Variants in EMSY observed in about 807,000 individuals in gnomAD.
EMSY encodes BRCA2-interacting transcriptional repressor EMSY.
Under a neutral mutation model 134.6 loss-of-function variants are expected in EMSY, and 26 were observed. The ratio of observed to expected loss-of-function variants is 0.19; its 90% confidence interval spans 0.14 to 0.27. The LOEUF is 0.27. Among genes scored for constraint, EMSY ranks in the 10% least tolerant of loss-of-function variants. EMSY has a pLI of 1.00. For synonymous variants in EMSY, 579 were observed against 577.8 expected (o/e 1.00, Z -0.03); for missense variants, 1,305 against 1,611.4 (o/e 0.81, Z 3.26).
exon 3 of EMSY, chr11:76,451,874 T>A (rs1565269387): frequency 6.3e-7 from 1 of 1,587,478 alleles, no homozygotes; most frequent in Admixed American, 1.9e-5. Context: ...AGGCATATGC[T>A]GGAGTTATCA....
intron 8 of EMSY, among the ~76,000 whole-genome samples, chr11:76,483,552 A>G (rs1232920639): frequency 6.6e-6 from 1 of 152,198 alleles, no homozygotes; most frequent in African/African-American, 2.4e-5. Flanking sequence ...AAAGGGATGG[A>G]GGAATATTTA....
chr11:76,538,883 G>A (rs930031217), intron 16 of EMSY, among the ~76,000 whole-genome samples: 1 of 152,006 alleles, frequency 6.6e-6, no homozygotes. Context: ...CCTTGAATCC[G>A]GAAGGCAGAG....
At chr11:76,506,849 A>G (rs1426987062) in intron 9 of EMSY, among the ~76,000 whole-genome samples, 4 of 152,250 alleles carry the variant, frequency 2.6e-5, no homozygotes, top group Admixed American at 6.5e-5. Context: ...CTGGAAATTT[A>G]TCCTACAGAT....
chr11:76,541,725 G>A (rs1400377668), intron 17 of EMSY, among the ~76,000 whole-genome samples: 5 of 152,208 alleles, frequency 3.3e-5, no homozygotes, highest in South Asian at 2.1e-4. Flanking sequence ...TTAATACAAA[G>A]GAGTGAATGC....
exon 20 of EMSY, chr11:76,546,249 T>C (rs1951647090): frequency 1.1e-5 from 17 of 1,613,820 alleles, no homozygotes; most frequent in Non-Finnish European, 1.4e-5. Flanking sequence ...GTATTCAGAA[T>C]GTAGGCCAAA....
At chr11:76,504,167 T>C (rs1047932486) in intron 9 of EMSY, among the ~76,000 whole-genome samples, 1 of 151,832 alleles carries the variant, frequency 6.6e-6, no homozygotes, top group Non-Finnish European at 1.5e-5. Context: ...AAATTACATA[T>C]CCGAAGCAAC....
intron 14 of EMSY, 57 bp downstream of exon 15, chr11:76,528,523 C>A: frequency 7.6e-7 from 1 of 1,319,330 alleles, no homozygotes; most frequent in Non-Finnish European, 1.1e-6. Context: ...TGCCCAAATT[C>A]TAAAATAGAG....
At chr11:76,477,998 G>A (rs1948831250) in intron 8 of EMSY, among the ~76,000 whole-genome samples, 1 of 151,706 alleles carries the variant, frequency 6.6e-6, no homozygotes, top group African/African-American at 2.4e-5. Context: ...TTCCCTCCTT[G>A]ACCCATCTTC....
intron 9 of EMSY, chr11:76,496,723 A>T (rs987250135): frequency 2.0e-6 from 1 of 503,930 alleles, no homozygotes; most frequent in East Asian, 4.2e-5. Flanking sequence ...TTGTTAGTAT[A>T]TAAAAATAGT....
chr11:76,471,528 A>G (rs1292150001), intron 7 of EMSY, among the ~76,000 whole-genome samples: 3 of 152,018 alleles, frequency 2.0e-5, no homozygotes, highest in African/African-American at 4.8e-5. Flanking sequence ...TTAGGCTCCT[A>G]CTGATTCCTC....
intron 8 of EMSY, among the ~76,000 whole-genome samples, chr11:76,491,947 T>A (rs557931643): frequency 1.1e-4 from 16 of 152,342 alleles, no homozygotes; most frequent in African/African-American, 3.4e-4. Context: ...ACCTTGTAGT[T>A]GTTAACACGA....
In EMSY at chr11:76,506,468, G is replaced by A. The variant is rs915282998; in HGVS notation, c.1364-6918G>A. Among the ~76,000 whole-genome samples, 3 of 152,144 alleles carry A rather than the reference G, an allele frequency of 2.0e-5. No homozygotes were observed. In the South Asian group the frequency reaches 6.2e-4, roughly 31 times the overall value. Reference sequence around the variant, plus strand: ...AGACAAATAAACTGGAAAAAAATCTGCAAATCATGAAATGCACAGAATACC... The same window carrying A: ...AGACAAATAAACTGGAAAAAAATCTACAAATCATGAAATGCACAGAATACC... On this transcript the variant is annotated intron_variant, in intron 9 of 20. Coordinates refer to ENST00000334736, the Ensembl canonical transcript of EMSY.
intron 12 of EMSY, among the ~76,000 whole-genome samples, chr11:76,523,987 C>T (rs566118013): frequency 7.2e-5 from 11 of 152,024 alleles, no homozygotes; most frequent in Middle Eastern, 6.8e-3. Flanking sequence ...GAGTTTGAGG[C>T]TGCTATGAGC....
At chr11:76,450,928 G>A (rs1044561140) in intron 2 of EMSY, among the ~76,000 whole-genome samples, 3 of 151,574 alleles carry the variant, frequency 2.0e-5, no homozygotes, top group African/African-American at 4.9e-5. Flanking sequence ...TGAGAGGCTG[G>A]AACTACAGGT....
intron 8 of EMSY, among the ~76,000 whole-genome samples, chr11:76,486,781 C>T (rs1351085841): frequency 1.3e-5 from 2 of 151,994 alleles, no homozygotes; most frequent in African/African-American, 4.8e-5. Flanking sequence ...GTGAAATAGC[C>T]AAAATGGTTC....
chr11:76,457,501 A>G (rs1304138191), intron 4 of EMSY, among the ~76,000 whole-genome samples: 1 of 152,224 alleles, frequency 6.6e-6, no homozygotes, highest in Non-Finnish European at 1.5e-5. Flanking sequence ...AATTGTCTCA[A>G]TTCCTTCTTA....
At position 76,539,330 on chromosome 11, in the gene EMSY, G is replaced by A. The variant is rs78532405; in HGVS notation, c.2516-269G>A. 9.7e-3 allele frequency among the ~76,000 whole-genome samples: 1,474 copies of A among 152,126 alleles called. 25 individuals are homozygous for A. Among genetic ancestry groups the A allele is most frequent in the East Asian group, 0.059 (303 of 5,174 alleles). ...AACATAAACTTACAGATATTTGAAG[G>A]ACATAAATACCAAAAAGAAAAGGAA... On this transcript the variant is annotated intron_variant, in intron 16 of 20. Transcript: ENST00000334736.
chr11:76,494,697 TCC>T (rs1949568380), intron 8 of EMSY, among the ~76,000 whole-genome samples: 1 of 121,932 alleles, frequency 8.2e-6, no homozygotes, highest in South Asian at 3.4e-4. Context: ...CTTCCTTCCT[TCC>T]TTCCTTCCTT....
exon 6 of EMSY, chr11:76,460,064 G>A: frequency 6.2e-7 from 1 of 1,614,186 alleles, no homozygotes; most frequent in Non-Finnish European, 8.5e-7. Context: ...CTTGCCAAGT[G>A]GAAGTACTGT....
Sources: gnomAD v4.1 joint callset for allele counts (sites outside exome capture counted in the v4.1 genomes callset) on GRCh38, gnomAD v4.1.1 for gene constraint, MANE v1.5 for transcripts, NCBI Gene and HGNC (gene_info 2026-07-23, HGNC 2026-07-21) for gene names.